MECOM: variants seen among roughly 807,000 people sequenced by gnomAD.
The protein encoded by MECOM is histone-lysine N-methyltransferase MECOM.
MECOM carries 13 observed loss-of-function variants against 116.3 expected under a neutral mutation model. The observed-to-expected ratio is 0.11, with a 90% CI of 0.07 to 0.18. The LOEUF is 0.18. Ranked by LOEUF, MECOM falls within the 10% of genes least tolerant of loss-of-function variation. The pLI is 1.00. For synonymous variants in MECOM, 528 were observed against 535.2 expected (o/e 0.99, Z 0.19); for missense variants, 1,299 against 1,509.0 (o/e 0.86, Z 2.31).
chr3:169,235,594 A>T (rs76302567), intron 2 of MECOM, among the ~76,000 whole-genome samples: 2,511 of 152,206 alleles, frequency 0.016, 37 homozygotes, highest in Non-Finnish European at 0.02. Context: ...AAATAACCAA[A>T]TAAATGATAT....
At chr3:169,594,176 A>AAAAAAAAAAAAAAAAAC (rs1553894631) in intron 1 of MECOM, among the ~76,000 whole-genome samples, 45 of 139,792 alleles carry the variant, frequency 3.2e-4, no homozygotes, top group African/African-American at 6.0e-4. Flanking sequence ...AAAAAAAAAA[A>AAAAAAAAAAAAAAAAAC]CACCTTTTCA....
chr3:169,543,846 GA>G (rs1431524861), intron 1 of MECOM, among the ~76,000 whole-genome samples: 1 of 152,036 alleles, frequency 6.6e-6, no homozygotes, highest in Non-Finnish European at 1.5e-5. Context: ...TACTTGAGGG[GA>G]AAAAATCAGT....
chr3:169,407,788 G>T (rs1350562194), intron 1 of MECOM, among the ~76,000 whole-genome samples: 1 of 152,290 alleles, frequency 6.6e-6, no homozygotes, highest in South Asian at 2.1e-4. Context: ...CACTGACAAG[G>T]AATTCAGGCA....
At chr3:169,147,857 G>T (rs1740396122) in intron 2 of MECOM, 3 of 404,938 alleles carry the variant, frequency 7.4e-6, no homozygotes, top group East Asian at 1.6e-4. Context: ...GCAGGAGGGG[G>T]CGGGGGTAGG....
chr3:169,422,289 G>A (rs77172208), intron 1 of MECOM, among the ~76,000 whole-genome samples: 6,565 of 152,130 alleles, frequency 0.043, 447 homozygotes, highest in Admixed American at 0.19. Context: ...AAACTGATAT[G>A]TTCTGTAGGA....
Position 169,532,604 on chromosome 3 carries a change from T to C in MECOM, c.37+130732A>G, listed in dbSNP as rs16853984. ...CTCCACTTCTGGGAACATGCTGCCTTATAAATAGCCTCTGAAAATCCCTGG... is the reference window on the plus strand; with the variant it reads ...CTCCACTTCTGGGAACATGCTGCCTCATAAATAGCCTCTGAAAATCCCTGG... On this transcript the variant is annotated intron_variant, in intron 1 of 16. Coordinates refer to ENST00000651503, the MANE Select transcript of MECOM (RefSeq NM_004991.4). Among the ~76,000 whole-genome samples, 529 of 152,282 alleles carry C rather than the reference T, an allele frequency of 3.5e-3. 5 individuals are homozygous for C. The highest frequency in any genetic ancestry group is 0.012 in the African/African-American group (503 of 41,560).
chr3:169,542,963 G>A (rs1160998855), intron 1 of MECOM, among the ~76,000 whole-genome samples: 1 of 152,186 alleles, frequency 6.6e-6, no homozygotes, highest in Non-Finnish European at 1.5e-5. Flanking sequence ...AACTTGTAAA[G>A]TGCCACAATT....
chr3:169,148,601 G>A (rs1488144573), intron 2 of MECOM, among the ~76,000 whole-genome samples: 2 of 152,132 alleles, frequency 1.3e-5, no homozygotes, highest in African/African-American at 4.8e-5. Context: ...GTTAAGCAAA[G>A]TAAGCGAGTC....
intron 2 of MECOM, among the ~76,000 whole-genome samples, chr3:169,235,208 G>A (rs1165158292): frequency 6.6e-6 from 1 of 152,076 alleles, no homozygotes; most frequent in Admixed American, 6.6e-5. Flanking sequence ...CCATTCTAAT[G>A]TGCTCTATGA....
intron 2 of MECOM, among the ~76,000 whole-genome samples, chr3:169,268,813 A>G (rs145575090): frequency 6.0e-4 from 92 of 152,328 alleles, no homozygotes; most frequent in African/African-American, 2.1e-3. Flanking sequence ...TATTGACTGC[A>G]TAATTGGCCT....
chr3:169,438,500 C>T (rs1743079644), intron 1 of MECOM, among the ~76,000 whole-genome samples: 1 of 152,172 alleles, frequency 6.6e-6, no homozygotes, highest in Non-Finnish European at 1.5e-5. Flanking sequence ...TCTAGATCAG[C>T]ACAGCTGAGG....
At chr3:169,226,620 C>T (rs145633054) in intron 2 of MECOM, among the ~76,000 whole-genome samples, 273 of 152,154 alleles carry the variant, frequency 1.8e-3, no homozygotes, top group African/African-American at 6.1e-3. Context: ...CACCATAACA[C>T]GGAATTAAAA....
chr3:169,312,145 G>A (rs1446125318), intron 2 of MECOM, among the ~76,000 whole-genome samples: 1 of 152,176 alleles, frequency 6.6e-6, no homozygotes, highest in Non-Finnish European at 1.5e-5. Context: ...TGGTTGCAAT[G>A]TGGAGAACAG....
chr3:169,397,374 A>G (rs891551566), intron 1 of MECOM, among the ~76,000 whole-genome samples: 9 of 152,242 alleles, frequency 5.9e-5, no homozygotes, highest in African/African-American at 2.2e-4. Flanking sequence ...AACAATGAGC[A>G]ATATTTAATG....
intron 1 of MECOM, among the ~76,000 whole-genome samples, chr3:169,575,028 A>G (rs973327423): frequency 6.6e-6 from 1 of 152,174 alleles, no homozygotes; most frequent in African/African-American, 2.4e-5. Context: ...TCGCTAAAAA[A>G]TCAAGGTCAA....
intron 1 of MECOM, among the ~76,000 whole-genome samples, chr3:169,606,347 A>G (rs1211622366): frequency 6.6e-6 from 1 of 150,946 alleles, no homozygotes; most frequent in Non-Finnish European, 1.5e-5. Flanking sequence ...CAGGAGGCGG[A>G]GTTTGCAGCA....
chr3:169,659,970 G>C (rs535639051), intron 1 of MECOM, among the ~76,000 whole-genome samples: 1 of 152,134 alleles, frequency 6.6e-6, no homozygotes, highest in Non-Finnish European at 1.5e-5. Context: ...GAGACTTCTG[G>C]GGGGCCGGTA....
At chr3:169,386,868 T>C (rs1733408686) in intron 1 of MECOM, among the ~76,000 whole-genome samples, 1 of 152,218 alleles carries the variant, frequency 6.6e-6, no homozygotes, top group Admixed American at 6.5e-5. Context: ...TAAAGAAAAT[T>C]ATATATCTAT....
At chr3:169,299,993 G>T (rs1022399110) in intron 2 of MECOM, among the ~76,000 whole-genome samples, 4 of 152,074 alleles carry the variant, frequency 2.6e-5, no homozygotes, top group Non-Finnish European at 5.9e-5. Flanking sequence ...ACATGTCTGA[G>T]ACAGCCACGA....
Sources: allele counts gnomAD v4.1 joint callset (sites outside exome capture counted in the v4.1 genomes callset), GRCh38; gene constraint gnomAD v4.1.1; transcripts MANE v1.5; gene names NCBI Gene and HGNC (gene_info 2026-07-23, HGNC 2026-07-21).